Variants in MS4A14 observed in about 807,000 individuals in gnomAD.
MS4A14 encodes the protein membrane-spanning 4-domains subfamily A member 14.
Under a neutral mutation model 16.7 loss-of-function variants are expected in MS4A14, and 18 were observed. The observed-to-expected ratio is 1.08, with a 90% CI of 0.75 to 1.60. The LOEUF (loss-of-function observed/expected upper bound fraction) is 1.60. MS4A14 is among the 40% of genes most tolerant of loss of function. The pLI is 0.00. For missense variants in MS4A14, 812 were observed against 775.3 expected, an observed-to-expected ratio of 1.05 and a Z score of -0.56; for synonymous variants, 305 against 289.4, an observed-to-expected ratio of 1.05 and a Z score of -0.55.
chr11:60,404,450 C>T (rs1436140171), intron 4 of MS4A14: 10 of 432,010 alleles, frequency 2.3e-5, no homozygotes, highest in Admixed American at 5.1e-5. Flanking sequence ...TACTTAATGG[C>T]TTCCTGTAAA....
At chr11:60,397,756 G>A (rs1340934261) in intron 1 of MS4A14, 96 bp from the exon 2 acceptor site, 5 of 1,168,692 alleles carry the variant, frequency 4.3e-6, no homozygotes, top group Non-Finnish European at 4.9e-6. Flanking sequence ...TGGATGGAGG[G>A]AAAGGTGTGC....
chr11:60,408,241 G>C (rs10897058), intron 4 of MS4A14, among the ~76,000 whole-genome samples: 1 of 152,018 alleles, frequency 6.6e-6, no homozygotes, highest in African/African-American at 2.4e-5. Context: ...TGGCCACTAC[G>C]TCTATCCTTC....
intron 4 of MS4A14, among the ~76,000 whole-genome samples, chr11:60,409,149 T>C (rs556233186): frequency 6.6e-6 from 1 of 152,320 alleles, no homozygotes; most frequent in South Asian, 2.1e-4. Flanking sequence ...TTTGTAGTGA[T>C]GACATTCCAA....
intron 4 of MS4A14, among the ~76,000 whole-genome samples, chr11:60,410,742 A>C (rs891756970): frequency 6.6e-6 from 1 of 152,060 alleles, no homozygotes; most frequent in African/African-American, 2.4e-5. Context: ...AAATTGATTT[A>C]CTATATATGT....
intron 4 of MS4A14, among the ~76,000 whole-genome samples, chr11:60,412,863 G>A (rs114348949): frequency 3.6e-3 from 551 of 151,894 alleles, no homozygotes; most frequent in African/African-American, 0.013. Flanking sequence ...TTTAGAATTC[G>A]TTTATTGATT....
chr11:60,397,095 C>T (rs996378100), intron 1 of MS4A14, among the ~76,000 whole-genome samples: 18 of 152,284 alleles, frequency 1.2e-4, no homozygotes, highest in Middle Eastern at 3.4e-3. Flanking sequence ...CGTTTTTCAT[C>T]ACAAATGCAC....
At position 60,403,020 on chromosome 11, in the gene MS4A14, T is replaced by A; in HGVS notation, c.427T>A (p.Ser143Thr). 6.2e-7 allele frequency: 1 copy of A among 1,613,912 alleles called. No homozygotes were observed. The highest frequency in any genetic ancestry group is 8.5e-7 in the Non-Finnish European group (1 of 1,179,824). The change falls in exon 4 of 5, where the codon TCC (serine) becomes ACC (threonine). Residue 143 changes from serine (S) to threonine (T), a missense_variant. Transcript: ENST00000300187. The part of the protein sequence containing the change: ...RHQDKYCQMP[S>T]FEEICVFSRT... ...TCAAGACAAGTACTGCCAGATGCCA[T>A]CCTTTGAAGAAATATGTGTTTTCAG...
At chr11:60,404,514 C>T (rs762620881) in intron 4 of MS4A14, 2 of 456,622 alleles carry the variant, frequency 4.4e-6, no homozygotes, top group South Asian at 3.1e-5. Context: ...CCTGTAACAC[C>T]TATCCTACCT....
In MS4A14 at chr11:60,415,855, A is replaced by T. The variant is rs2085932138; in HGVS notation, c.887A>T (p.Asp296Val). ...PSQMQTKLLQ[D>V]QAASLQVFPS... is the part of the protein sequence containing the mutation. ...CAAATGCAAACCAAGCTTCTGCAGG[A>T]CCAAGCTGCGTCACTCCAAGTTTTT... Residue 296 changes from aspartate (D) to valine (V), a missense_variant, in exon 5 of 5, where the codon GAC becomes GTC. Physicochemically the swap from Asp to Val is radical, Grantham distance 152. Transcript: ENST00000300187. 1.2e-6 allele frequency: 2 copies of T among 1,613,940 alleles called. No homozygotes were observed. Among genetic ancestry groups the T allele is most frequent in the Admixed American group, 1.7e-5 (1 of 59,946 alleles).
intron 4 of MS4A14, among the ~76,000 whole-genome samples, chr11:60,410,059 A>ATGCTGTCAGGGCTGTT (rs1192654123): frequency 2.6e-5 from 4 of 152,068 alleles, no homozygotes; most frequent in Non-Finnish European, 5.9e-5. Flanking sequence ...AGGTCTTGCT[A>ATGCTGTCAGGGCTGTT]TGCTGTCAGG....
chr11:60,407,047 C>T (rs1345605261), intron 4 of MS4A14, among the ~76,000 whole-genome samples: 1 of 116,310 alleles, frequency 8.6e-6, no homozygotes, highest in Non-Finnish European at 1.6e-5. Context: ...CGAGACCTCA[C>T]TCTATGACCC....
intron 4 of MS4A14, among the ~76,000 whole-genome samples, chr11:60,406,539 T>C (rs550540203): frequency 3.3e-5 from 5 of 152,344 alleles, no homozygotes; most frequent in Non-Finnish European, 5.9e-5. Flanking sequence ...ACAAAGAGGC[T>C]AAACTAACCT....
intron 1 of MS4A14, 117 bp downstream of exon 1, chr11:60,396,833 T>C (rs2085631363): frequency 9.4e-7 from 1 of 1,063,512 alleles, no homozygotes; most frequent in Non-Finnish European, 1.3e-6. Context: ...ATTCTACTTT[T>C]CCCCCTTCAC....
rs1314124841 is a variant in MS4A14 at position 60,413,232 on chromosome 11, T to A, written c.469-2205T>A. Among the ~76,000 whole-genome samples the A allele has an allele frequency of 3.9e-5, 6 of 151,916 alleles. No individual in the cohort carries two copies. The South Asian group carries it at 6.2e-4, about 16-fold the overall frequency. ...CTTATTAGTTCCCATAGCTTTTTTTTAATAGAGTTTCTAGAATTTTCTTAG... is the reference window on the plus strand; with the variant it reads ...CTTATTAGTTCCCATAGCTTTTTTTAAATAGAGTTTCTAGAATTTTCTTAG... On this transcript the variant is annotated intron_variant, in intron 4 of 4. Transcript: ENST00000300187.
At chr11:60,396,828 A>AT in intron 1 of MS4A14, 112 bp downstream of exon 1, 1 of 1,175,772 alleles carries the variant, frequency 8.5e-7, no homozygotes, top group African/African-American at 1.5e-5. Flanking sequence ...AGTTAATTCT[A>AT]CTTTTCCCCC....
chr11:60,410,725 A>G (rs528634180), intron 4 of MS4A14, among the ~76,000 whole-genome samples: 35 of 152,318 alleles, frequency 2.3e-4, no homozygotes, highest in African/African-American at 7.7e-4. Flanking sequence ...CTTGGTGTCT[A>G]TGTTGAAAAT....
chr11:60,400,467 A>C lies in MS4A14; in HGVS notation c.318+13A>C. ...ATCAAAACTTCTGGTAAGCCACTTA[A>C]ACTACATAAAATTTAAAATCTTCTA... On this transcript the variant is annotated intron_variant, in intron 3 of 4. Coordinates refer to ENST00000300187, the MANE Select transcript of MS4A14 (RefSeq NM_032597.5). 3 of 1,568,976 alleles carry C rather than the reference A, an allele frequency of 1.9e-6. No individual in the cohort carries two copies. The highest frequency in any genetic ancestry group is 2.6e-6 in the Non-Finnish European group (3 of 1,141,948).
Position 60,415,647 on chromosome 11 carries a change from G to A in MS4A14, c.679G>A (p.Glu227Lys). Residue 227 changes from glutamate (E) to lysine (K), a missense_variant, in exon 5 of 5, where the codon GAA becomes AAA. By Grantham distance (56) the Glu-to-Lys change is moderately conservative. Coordinates refer to ENST00000300187, the MANE Select transcript of MS4A14 (RefSeq NM_032597.5). ...CTCCCAACCAGGTAATAAAGGTAGA[G>A]AATTTGTGCCAGATGAACAAAAGCA... ...LVSQPGNKGREFVPDEQKQSI... is the reference protein window; with the variant it reads ...LVSQPGNKGRKFVPDEQKQSI... 6.2e-7 allele frequency: 1 copy of A among 1,613,860 alleles called. No homozygotes were observed. Among genetic ancestry groups the A allele is most frequent in the South Asian group, 1.1e-5 (1 of 91,080 alleles).
intron 4 of MS4A14, among the ~76,000 whole-genome samples, chr11:60,414,514 G>A (rs2085910137): frequency 6.6e-6 from 1 of 152,014 alleles, no homozygotes; most frequent in Non-Finnish European, 1.5e-5. Flanking sequence ...TGTAATTCAT[G>A]GAGTCAGAAT....
Sources: gnomAD v4.1 joint callset for allele counts (sites outside exome capture counted in the v4.1 genomes callset) on GRCh38, gnomAD v4.1.1 for gene constraint, MANE v1.5 for transcripts, NCBI Gene and HGNC (gene_info 2026-07-23, HGNC 2026-07-21) for gene names.